SLC44A5: variants seen among roughly 807,000 people sequenced by gnomAD.
The protein encoded by SLC44A5 is choline transporter-like protein 5.
Under a neutral mutation model 101.8 loss-of-function variants are expected in SLC44A5, and 57 were observed. The ratio of observed to expected loss-of-function variants is 0.56; its 90% CI spans 0.45 to 0.70. The LOEUF is 0.70. Among genes scored for constraint, SLC44A5 ranks in the 30% least tolerant of loss-of-function variants. The pLI is 0.00. For missense variants in SLC44A5, 737 were observed against 853.1 expected, an observed-to-expected ratio of 0.86 and a Z score of 1.70; for synonymous variants, 281 against 290.9, an observed-to-expected ratio of 0.97 and a Z score of 0.35.
At chr1:75,438,775 G>T (rs1224128572) in intron 2 of SLC44A5, among the ~76,000 whole-genome samples, 1 of 151,898 alleles carries the variant, frequency 6.6e-6, no homozygotes, top group African/African-American at 2.4e-5. Flanking sequence ...AATAATTAAG[G>T]TATAACAAAT....
intron 11 of SLC44A5, among the ~76,000 whole-genome samples, chr1:75,234,474 C>A (rs1647889357): frequency 1.3e-5 from 2 of 151,938 alleles, no homozygotes; most frequent in African/African-American, 4.8e-5. Flanking sequence ...GAAATGTATT[C>A]ATGATGAATT....
At chr1:75,446,268 T>C (rs1408080899) in intron 2 of SLC44A5, among the ~76,000 whole-genome samples, 1 of 152,194 alleles carries the variant, frequency 6.6e-6, no homozygotes, top group African/African-American at 2.4e-5. Flanking sequence ...CCCTACATGA[T>C]CTGGCCTTGG....
At chr1:75,344,484 T>C (rs1297261522) in intron 3 of SLC44A5, among the ~76,000 whole-genome samples, 3 of 152,254 alleles carry the variant, frequency 2.0e-5, no homozygotes, top group East Asian at 1.9e-4. Context: ...TTAAGGACCA[T>C]GAAATGGTGA....
chr1:75,555,268 C>A (rs1023454702), intron 1 of SLC44A5, among the ~76,000 whole-genome samples: 6 of 152,070 alleles, frequency 3.9e-5, no homozygotes, highest in Non-Finnish European at 7.4e-5. Context: ...GCCTGAAAAA[C>A]TCGTTAGTGC....
chr1:75,460,367 A>T (rs1300981488), intron 2 of SLC44A5, among the ~76,000 whole-genome samples: 2 of 152,228 alleles, frequency 1.3e-5, no homozygotes, highest in Non-Finnish European at 2.9e-5. Context: ...TAAGACAATA[A>T]ATATTTCACA....
chr1:75,682,047 AG>A, the SLC44A5 span, among the ~76,000 whole-genome samples: 1 of 152,148 alleles, frequency 6.6e-6, no homozygotes, highest in Non-Finnish European at 1.5e-5. Context: ...CAACTTACAA[AG>A]GATGTGAAGG....
At chr1:75,505,110 A>G (rs13373826) in intron 2 of SLC44A5, among the ~76,000 whole-genome samples, 21,884 of 152,112 alleles carry the variant, frequency 0.14, 1,760 homozygotes, top group African/African-American at 0.19. Flanking sequence ...TTGTTCCTTC[A>G]TCATTTCATT....
At chr1:75,316,076 TA>T (rs1419844013) in intron 4 of SLC44A5, among the ~76,000 whole-genome samples, 23 of 152,196 alleles carry the variant, frequency 1.5e-4, no homozygotes, top group Admixed American at 2.0e-4. Flanking sequence ...TAACTTGACA[TA>T]TAAATCCACT....
At chr1:75,593,221 G>C (rs1030884297) in intron 1 of SLC44A5, among the ~76,000 whole-genome samples, 4 of 151,870 alleles carry the variant, frequency 2.6e-5, no homozygotes, top group African/African-American at 9.7e-5. Context: ...ATGGCAAACA[G>C]GCATATGAAA....
intron 4 of SLC44A5, among the ~76,000 whole-genome samples, chr1:75,327,030 T>C (rs553929210): frequency 3.3e-5 from 5 of 152,226 alleles, no homozygotes; most frequent in South Asian, 2.1e-4. Flanking sequence ...TTTTTTACTT[T>C]AAACTTTGAG....
intron 1 of SLC44A5, among the ~76,000 whole-genome samples, chr1:75,603,304 G>GCT (rs1675099998): frequency 6.6e-6 from 1 of 151,422 alleles, no homozygotes; most frequent in African/African-American, 2.4e-5. Context: ...TGCTGCAAAG[G>GCT]AAATGATTTT....
At chr1:75,682,628 G>A in the SLC44A5 span, among the ~76,000 whole-genome samples, 23 of 151,882 alleles carry the variant, frequency 1.5e-4, no homozygotes, top group East Asian at 3.7e-3. Context: ...AGACTTAAAC[G>A]TTAGACCTAA....
chr1:75,683,589 C>T, the SLC44A5 span, among the ~76,000 whole-genome samples: 1 of 152,098 alleles, frequency 6.6e-6, no homozygotes, highest in African/African-American at 2.4e-5. Context: ...GGGAACATCA[C>T]TCTCTGGGGA....
intron 1 of SLC44A5, among the ~76,000 whole-genome samples, chr1:75,555,466 C>T (rs1011017007): frequency 5.9e-5 from 9 of 151,822 alleles, no homozygotes; most frequent in Non-Finnish European, 1.3e-4. Flanking sequence ...AAAGAGCAAA[C>T]AAACATCTCT....
chr1:75,608,195 C>CA (rs1167551816), intron 1 of SLC44A5, among the ~76,000 whole-genome samples: 2 of 141,464 alleles, frequency 1.4e-5, no homozygotes, highest in Non-Finnish European at 3.1e-5. Context: ...CAAAACAAAA[C>CA]AAAAAACAAA....
intron 4 of SLC44A5, among the ~76,000 whole-genome samples, chr1:75,338,361 C>T (rs765445050): frequency 3.3e-5 from 5 of 152,184 alleles, no homozygotes; most frequent in Admixed American, 6.5e-5. Flanking sequence ...CATAATTCTG[C>T]TCTCTTATCT....
chr1:75,677,169 C>T, the SLC44A5 span, among the ~76,000 whole-genome samples: 1 of 152,042 alleles, frequency 6.6e-6, no homozygotes, highest in Admixed American at 6.6e-5. Flanking sequence ...ACATACAAAA[C>T]TCACTGGTAA....
chr1:75,203,155 A>G lies in SLC44A5; in HGVS notation c.*572T>C, dbSNP rs1359976138. Reference sequence around the variant, plus strand: ...AAAAGCTGGGTAATATTAAATAGCCAGTAAGGCACTTTGTCAGAGGGCTAA... The same window carrying G: ...AAAAGCTGGGTAATATTAAATAGCCGGTAAGGCACTTTGTCAGAGGGCTAA... On this transcript the variant is annotated 3_prime_UTR_variant, in exon 24 of 24. Coordinates refer to ENST00000370859, the MANE Select transcript of SLC44A5 (RefSeq NM_001130058.2). The G allele has an allele frequency of 2.0e-5, 3 of 152,358 alleles. No individual in the cohort carries two copies. The highest frequency in any genetic ancestry group is 2.1e-4 in the South Asian group (1 of 4,832). 9.4% of individuals were successfully genotyped at this position (152,358 alleles called of 1,614,324 possible).
At chr1:75,661,004 A>G in the SLC44A5 span, among the ~76,000 whole-genome samples, 1 of 152,144 alleles carries the variant, frequency 6.6e-6, no homozygotes, top group Non-Finnish European at 1.5e-5. Flanking sequence ...ATCTGTATGG[A>G]ATCACAAAAG....
Sources: allele counts gnomAD v4.1 joint callset (sites outside exome capture counted in the v4.1 genomes callset), GRCh38; gene constraint gnomAD v4.1.1; transcripts MANE v1.5; gene names NCBI Gene and HGNC (gene_info 2026-07-23, HGNC 2026-07-21).